CACNA2D3: variants seen among roughly 807,000 people sequenced by gnomAD.
CACNA2D3 encodes voltage-dependent calcium channel subunit alpha-2/delta-3.
A neutral mutation model predicts 160.6 loss-of-function variants in CACNA2D3; 60 were observed. That is an observed-to-expected ratio of 0.37 (90% CI 0.30 to 0.46). The LOEUF (loss-of-function observed/expected upper bound fraction) is 0.46, where lower values mean the gene tolerates loss of function less well. Among genes scored for constraint, CACNA2D3 ranks in the 20% least tolerant of loss-of-function variants. The probability of loss-of-function intolerance (pLI) is 1.00; values close to 1 mark genes in which losing one functional copy is unlikely to be tolerated. For synonymous variants in CACNA2D3, 558 were observed against 492.9 expected (o/e 1.13, Z -1.75); for missense variants, 1,205 against 1,365.0 (o/e 0.88, Z 1.85).
chr3:54,260,403 G>A (rs79861153), intron 2 of CACNA2D3, among the ~76,000 whole-genome samples: 25,524 of 152,126 alleles, frequency 0.17, 2,503 homozygotes, highest in Non-Finnish European at 0.23. Context: ...ATCTGGCAAG[G>A]GCCTTCTTGC....
At position 54,791,307 on chromosome 3, in the gene CACNA2D3, C is replaced by T. The variant is rs1423797009; in HGVS notation, c.1381-25546C>T. The stretch of plus-strand genomic sequence containing the variant: ...TGTTCAGTAGGAATATAAAGGGTTC[C>T]CAGAGGGTGTAAGAACCACCTTAGA... On this transcript the variant is annotated intron_variant, in intron 13 of 37. Coordinates refer to ENST00000474759, the MANE Select transcript of CACNA2D3 (RefSeq NM_018398.3). Among the ~76,000 whole-genome samples, 3 of 152,196 alleles carry T rather than the reference C, an allele frequency of 2.0e-5. No homozygotes were observed. The East Asian group carries it at 5.8e-4, about 29-fold the overall frequency.
intron 34 of CACNA2D3, among the ~76,000 whole-genome samples, chr3:55,015,727 A>G (rs995310061): frequency 2.0e-5 from 3 of 152,350 alleles, no homozygotes; most frequent in East Asian, 1.9e-4. Flanking sequence ...GCCAGATCCT[A>G]TGAGCTTTGT....
chr3:54,295,211 CT>C (rs1469936325), intron 2 of CACNA2D3, among the ~76,000 whole-genome samples: 12 of 151,948 alleles, frequency 7.9e-5, no homozygotes, highest in Non-Finnish European at 1.3e-4. Flanking sequence ...GTGAGGTGTG[CT>C]TTTTGAGGCT....
intron 4 of CACNA2D3, among the ~76,000 whole-genome samples, chr3:54,475,090 G>A (rs1023607942): frequency 1.3e-5 from 2 of 152,170 alleles, no homozygotes; most frequent in Non-Finnish European, 2.9e-5. Context: ...TGCACATTGC[G>A]TCAAGTCAGG....
intron 23 of CACNA2D3, among the ~76,000 whole-genome samples, chr3:54,886,090 C>T (rs556497752): frequency 6.6e-6 from 1 of 152,144 alleles, no homozygotes; most frequent in Non-Finnish European, 1.5e-5. Flanking sequence ...GGAAATCTCT[C>T]AGCTGGTGCA....
chr3:54,471,837 C>G (rs972223809), intron 4 of CACNA2D3, among the ~76,000 whole-genome samples: 6 of 152,258 alleles, frequency 3.9e-5, no homozygotes, highest in African/African-American at 1.4e-4. Flanking sequence ...TACACCCTCA[C>G]AAGACTAAAC....
intron 3 of CACNA2D3, among the ~76,000 whole-genome samples, chr3:54,333,546 C>T (rs1483974719): frequency 6.6e-6 from 1 of 152,010 alleles, no homozygotes; most frequent in African/African-American, 2.4e-5. Context: ...TTGCCTGTTC[C>T]TCTCTTCCAG....
chr3:54,809,292 T>TTTCC lies in CACNA2D3; in HGVS notation c.1381-7549_1381-7546dup, dbSNP rs1157178671. 6.4e-3 allele frequency among the ~76,000 whole-genome samples: 828 copies of TTTCC among 130,268 alleles called. 22 individuals carry two copies. The highest frequency in any genetic ancestry group is 0.025 in the African/African-American group (758 of 30,648). 85.5% of individuals were successfully genotyped at this position (130,268 alleles called of 152,430 possible). A position where few individuals can be genotyped will look rare whatever the true frequency, so the allele number is the denominator to read the frequency against. ...CCTTTATCTCTTTCTTCTCTCTTTC[T>TTTCC]TTCCTTCCTTCCTTCTTTCTTTTTT... On this transcript the variant is annotated intron_variant, in intron 13 of 37. Transcript: ENST00000474759.
intron 11 of CACNA2D3, among the ~76,000 whole-genome samples, chr3:54,688,094 A>T (rs1700504380): frequency 6.6e-6 from 1 of 152,126 alleles, no homozygotes; most frequent in Admixed American, 6.5e-5. Context: ...GCAACATCAC[A>T]TGTTTTATTA....
intron 3 of CACNA2D3, among the ~76,000 whole-genome samples, chr3:54,328,482 A>T (rs1261774650): frequency 1.3e-5 from 2 of 151,780 alleles, no homozygotes; most frequent in Admixed American, 6.6e-5. Flanking sequence ...GGATTTCACC[A>T]TGTTGGCCGG....
At chr3:54,253,668 G>T (rs891883452) in intron 2 of CACNA2D3, among the ~76,000 whole-genome samples, 6 of 152,198 alleles carry the variant, frequency 3.9e-5, no homozygotes, top group African/African-American at 1.4e-4. Context: ...TTTTGATTTG[G>T]AGGAAGTATT....
At chr3:54,940,401 C>G (rs1216270171) in intron 27 of CACNA2D3, among the ~76,000 whole-genome samples, 1 of 152,150 alleles carries the variant, frequency 6.6e-6, no homozygotes, top group Non-Finnish European at 1.5e-5. Context: ...AGATTACTGC[C>G]TCGGTGCCTA....
At chr3:54,147,551 C>T (rs1700055107) in intron 2 of CACNA2D3, among the ~76,000 whole-genome samples, 1 of 152,224 alleles carries the variant, frequency 6.6e-6, no homozygotes, top group African/African-American at 2.4e-5. Context: ...CTCCAAATGG[C>T]CTGGGCCAGA....
At chr3:54,816,951 C>G in intron 14 of CACNA2D3, 81 bp downstream of exon 14, 3 of 1,492,324 alleles carry the variant, frequency 2.0e-6, no homozygotes, top group Non-Finnish European at 2.8e-6. Context: ...ACATTTGACA[C>G]TGTTCATGAC....
chr3:54,321,674 A>G (rs1218964498), intron 3 of CACNA2D3, among the ~76,000 whole-genome samples: 1 of 152,146 alleles, frequency 6.6e-6, no homozygotes, highest in Non-Finnish European at 1.5e-5. Context: ...AGGTCACATG[A>G]GGAGTGAGAG....
chr3:54,695,899 A>C (rs907633434), intron 11 of CACNA2D3, among the ~76,000 whole-genome samples: 1 of 152,188 alleles, frequency 6.6e-6, no homozygotes, highest in African/African-American at 2.4e-5. Flanking sequence ...TCAAAGTTTA[A>C]AAATGTTGTG....
At chr3:55,044,371 A>G (rs937544591) in intron 35 of CACNA2D3, among the ~76,000 whole-genome samples, 4 of 152,182 alleles carry the variant, frequency 2.6e-5, no homozygotes, top group Admixed American at 2.6e-4. Flanking sequence ...ATTATAAATT[A>G]TACTTTTTCA....
In CACNA2D3 at chr3:54,880,822, A is replaced by G. The variant is rs1699778581; in HGVS notation, c.1871A>G (p.His624Arg). Reference sequence around the variant, plus strand: ...TTAGGTGTGGCGCTTTCCAGAGGTCATGGGAAATATTTCTTCCGAGGGAAT... The same window carrying G: ...TTAGGTGTGGCGCTTTCCAGAGGTCGTGGGAAATATTTCTTCCGAGGGAAT... ...FSLGVALSRG[H>R]GKYFFRGNVT... The change falls in exon 21 of 38, where the codon CAT becomes CGT. Residue 624 changes from histidine (H) to arginine (R), a missense_variant. Physicochemically the swap from His to Arg is conservative, Grantham distance 29 (BLOSUM62 0). Coordinates refer to ENST00000474759, the MANE Select transcript of CACNA2D3 (RefSeq NM_018398.3). 4 of 1,613,910 alleles carry G rather than the reference A, an allele frequency of 2.5e-6. No homozygotes were observed. The highest frequency in any genetic ancestry group is 4.5e-5 in the East Asian group (2 of 44,880).
chr3:54,286,180 A>G (rs1024080643), intron 2 of CACNA2D3, among the ~76,000 whole-genome samples: 7 of 152,106 alleles, frequency 4.6e-5, no homozygotes, highest in Admixed American at 4.6e-4. Flanking sequence ...AAAAACTTTG[A>G]AAAAAAATTA....
Sources: gnomAD v4.1 joint callset for allele counts (sites outside exome capture counted in the v4.1 genomes callset) on GRCh38, gnomAD v4.1.1 for gene constraint, MANE v1.5 for transcripts, NCBI Gene and HGNC (gene_info 2026-07-23, HGNC 2026-07-21) for gene names.